ZNF207: variants seen among roughly 807,000 people sequenced by gnomAD.
ZNF207 encodes zinc finger protein 207, also known as BUB3-interacting and GLEBS motif-containing protein ZNF207.
In ZNF207, 24 loss-of-function variants were observed where a neutral mutation model predicts 60.2. That is an observed-to-expected ratio of 0.40 (90% CI 0.29 to 0.56). The LOEUF (loss-of-function observed/expected upper bound fraction) is 0.56. Ranked by LOEUF, ZNF207 falls within the 20% of genes least tolerant of loss-of-function variation. The pLI is 0.49. For synonymous variants in ZNF207, 236 were observed against 194.7 expected (o/e 1.21, Z -1.77); for missense variants, 452 against 636.6 (o/e 0.71, Z 3.12).
At chr17:32,364,096 G>A (rs564490478) in intron 7 of ZNF207, among the ~76,000 whole-genome samples, 14 of 150,566 alleles carry the variant, frequency 9.3e-5, no homozygotes, top group South Asian at 2.1e-4. Flanking sequence ...GCCGTGGCAC[G>A]ATCATAGCTC....
rs1489582907 is a variant in ZNF207, at chr17:32,381,526, A to G, written c.*11767A>G. The G allele has an allele frequency of 6.6e-6, 1 of 152,242 alleles. No homozygotes were observed. The highest frequency in any genetic ancestry group is 1.5e-5 in the Non-Finnish European group (1 of 68,036). The allele number at this position is 152,242 out of a possible 1,614,324, so 9.4% of individuals were successfully genotyped here. ...ATGAAATGGAAGACTACATTTGTAT[A>G]TATATCTGTATAATTTTTGTTTACT... On this transcript the variant is annotated 3_prime_UTR_variant, in exon 12 of 12. Transcript: ENST00000394670.
intron 5 of ZNF207, 80 bp downstream of exon 5, chr17:32,361,047 T>C: frequency 6.9e-7 from 1 of 1,459,742 alleles, no homozygotes; most frequent in Non-Finnish European, 9.4e-7. Context: ...ATGAATGAAA[T>C]GTTACTTTCC....
At chr17:32,364,983 C>T (rs1031150280) in intron 7 of ZNF207, among the ~76,000 whole-genome samples, 2 of 152,162 alleles carry the variant, frequency 1.3e-5, no homozygotes, top group African/African-American at 4.8e-5. Flanking sequence ...CTGTAATTTG[C>T]ACTAGGGTTC....
Position 32,361,533 on chromosome 17 carries a change from A to G in ZNF207, c.599+18A>G. On this transcript the variant is annotated intron_variant, in intron 6 of 11. Coordinates refer to ENST00000394670, the MANE Select transcript of ZNF207 (RefSeq NM_001098507.2). ...GAAAACATGTAAGCATCTCATTCAT[A>G]ATGTAATTCAGGAGGTATAATCATA... is the stretch of plus-strand genomic sequence containing the variant. 1 of 1,602,228 alleles carries G rather than the reference A, an allele frequency of 6.2e-7. No individual in the cohort carries two copies. The highest frequency in any genetic ancestry group is 8.5e-7 in the Non-Finnish European group (1 of 1,173,104).
At position 32,358,530 on chromosome 17, in the gene ZNF207, C is replaced by T; in HGVS notation, c.196C>T (p.Pro66Ser). The T allele has an allele frequency of 6.4e-7, 1 of 1,563,992 alleles. No individual in the cohort carries two copies. Among genetic ancestry groups the T allele is most frequent in the Non-Finnish European group, 8.6e-7 (1 of 1,163,110 alleles). The change falls in exon 3 of 12, where the codon CCA (proline) becomes TCA (serine). Residue 66 changes from proline (P) to serine (S), a missense_variant. By Grantham distance (74) the Pro-to-Ser change is moderately conservative (BLOSUM62 -1). Around this residue, in one of 2 missense-constraint regions of ZNF207, gnomAD observed 62 missense variants for 175.3 expected, o/e 0.35. Coordinates refer to ENST00000394670, the MANE Select transcript of ZNF207 (RefSeq NM_001098507.2). Reference sequence around the variant, plus strand: ...ACATAAAGAAACAATAGATGCCGTACCAAATGCAATACCTGGAAGAACAGA... The same window carrying T: ...ACATAAAGAAACAATAGATGCCGTATCAAATGCAATACCTGGAAGAACAGA... ...QVHKETIDAV[P>S]NAIPGRTDIE...
chr17:32,381,211 C>G lies in ZNF207; in HGVS notation c.*11452C>G, dbSNP rs1026733592. 1.3e-5 allele frequency: 2 copies of G among 152,174 alleles called. No homozygotes were observed. Among genetic ancestry groups the G allele is most frequent in the African/African-American group, 4.8e-5 (2 of 41,448 alleles). 9.4% of individuals were successfully genotyped at this position (152,174 alleles called of 1,614,324 possible). On this transcript the variant is annotated 3_prime_UTR_variant, in exon 12 of 12. Transcript: ENST00000394670. ...AAAGGGACCTGTCTGTCAGGTCAATCTTCGGTCTTCACTTTTACTGGCAAG... is the reference window on the plus strand; with the variant it reads ...AAAGGGACCTGTCTGTCAGGTCAATGTTCGGTCTTCACTTTTACTGGCAAG...
chr17:32,362,902 G>A lies in ZNF207; in HGVS notation c.600-12G>A. 4 of 1,612,020 alleles carry A rather than the reference G, an allele frequency of 2.5e-6. No individual in the cohort carries two copies. The highest frequency in any genetic ancestry group is 2.5e-6 in the Non-Finnish European group (3 of 1,179,320). ...ATTAACTTACTGTTTCTTGAAATTT[G>A]CTTTCTAATAGAATGATGCCAATGG... is the stretch of plus-strand genomic sequence containing the variant. On this transcript the variant is annotated splice_polypyrimidine_tract_variant and intron_variant, in intron 6 of 11. Coordinates refer to ENST00000394670, the MANE Select transcript of ZNF207 (RefSeq NM_001098507.2).
At chr17:32,351,389 C>A in intron 1 of ZNF207, 1 of 1,132,396 alleles carries the variant, frequency 8.8e-7, no homozygotes, top group South Asian at 1.8e-5. Context: ...TTATTGCTAT[C>A]GTCTTCATAT....
chr17:32,360,667 C>A lies in ZNF207; in HGVS notation c.377C>A (p.Ser126Ter). 1 of 1,614,072 alleles carries A rather than the reference C, an allele frequency of 6.2e-7. No individual in the cohort carries two copies. The highest frequency in any genetic ancestry group is 8.5e-7 in the Non-Finnish European group (1 of 1,180,020). Residue 126 changes from serine to a stop codon, truncating the protein, a stop_gained, in exon 4 of 12, where the codon TCA becomes TAA. Coordinates refer to ENST00000394670, the MANE Select transcript of ZNF207 (RefSeq NM_001098507.2). LOFTEE classifies it high-confidence loss of function. ...YDDDDSAAST[S>*]FQPQPVQPQQ... ...GATGACGACTCTGCAGCCTCAACTT[C>A]ATTTCAGCCACAGCCTGTTCAACCT...
At chr17:32,351,989 T>C in intron 2 of ZNF207, 77 bp downstream of exon 2, 1 of 1,424,892 alleles carries the variant, frequency 7.0e-7, no homozygotes, top group Non-Finnish European at 9.3e-7. Context: ...TTTTATTTTT[T>C]TGAGTTTCGG....
chr17:32,361,920 A>T (rs912969116), intron 6 of ZNF207, among the ~76,000 whole-genome samples: 3 of 152,188 alleles, frequency 2.0e-5, no homozygotes, highest in Admixed American at 6.5e-5. Context: ...ACAAAAATTT[A>T]AAAAATTTGA....
Position 32,369,857 on chromosome 17 carries a change from C to G in ZNF207, c.*98C>G. On this transcript the variant is annotated 3_prime_UTR_variant, in exon 12 of 12. Coordinates refer to ENST00000394670, the MANE Select transcript of ZNF207 (RefSeq NM_001098507.2). ...TTCCGTCAATAAGGCTTCATTGTGA[C>G]TTTAACAAACATTATCTTCCCACAT... 8.1e-7 allele frequency: 1 copy of G among 1,236,928 alleles called. No individual in the cohort carries two copies. The highest frequency in any genetic ancestry group is 1.0e-6 in the Non-Finnish European group (1 of 952,880). 76.6% of individuals were successfully genotyped at this position (1,236,928 alleles called of 1,614,324 possible).
At chr17:32,367,430 TAG>T (rs1342828866) in intron 9 of ZNF207, among the ~76,000 whole-genome samples, 1 of 151,356 alleles carries the variant, frequency 6.6e-6, no homozygotes, top group Non-Finnish European at 1.5e-5. Context: ...ACATTAAAAA[TAG>T]AACACATGCT....
intron 8 of ZNF207, 114 bp downstream of exon 8, chr17:32,365,601 T>C (rs1017356328): frequency 2.1e-6 from 2 of 938,536 alleles, no homozygotes; most frequent in Non-Finnish European, 2.8e-6. Context: ...ATATTTTTAA[T>C]ATTATTTATT....
At position 32,381,407 on chromosome 17, in the gene ZNF207, G is replaced by C. The variant is rs1489894576; in HGVS notation, c.*11648G>C. On this transcript the variant is annotated 3_prime_UTR_variant, in exon 12 of 12. Coordinates refer to ENST00000394670, the MANE Select transcript of ZNF207 (RefSeq NM_001098507.2). ...GCTCACTAAGGGTAATTAAATACTA[G>C]CTTTTAAAATTTAAAGTTCTCACGA... 6.6e-6 allele frequency: 1 copy of C among 152,176 alleles called. No homozygotes were observed. The highest frequency in any genetic ancestry group is 2.4e-5 in the African/African-American group (1 of 41,450). 9.4% of individuals were successfully genotyped at this position (152,176 alleles called of 1,614,324 possible). A position where few individuals can be genotyped will look rare whatever the true frequency, so the allele number is the denominator to read the frequency against.
chr17:32,381,104 G>A lies in ZNF207; in HGVS notation c.*11345G>A, dbSNP rs546842197. On this transcript the variant is annotated 3_prime_UTR_variant, in exon 12 of 12. Coordinates refer to ENST00000394670, the MANE Select transcript of ZNF207 (RefSeq NM_001098507.2). ...AAAGATTGATTATTTCTGAGGAAAA[G>A]GTCCATTTATTTCCAAACTAGTCTG... 4 of 152,316 alleles carry A rather than the reference G, an allele frequency of 2.6e-5. No homozygotes were observed. In the South Asian group the frequency reaches 8.3e-4, roughly 32 times the overall value. The allele number at this position is 152,316 out of a possible 1,614,324, so 9.4% of individuals were successfully genotyped here.
chr17:32,350,174 T>C lies in ZNF207; in HGVS notation c.-112T>C, dbSNP rs774557910. 3 of 1,535,886 alleles carry C rather than the reference T, an allele frequency of 2.0e-6. No individual in the cohort carries two copies. Among genetic ancestry groups the C allele is most frequent in the Non-Finnish European group, 2.7e-6 (3 of 1,112,664 alleles). On this transcript the variant is annotated 5_prime_UTR_variant, in exon 1 of 12. Coordinates refer to ENST00000394670, the MANE Select transcript of ZNF207 (RefSeq NM_001098507.2). ...ACGAGGCCGTCGGCCATTTTGTGTCTGCTTCCTGTGGGACGTGGTGGTAGC... is the reference window on the plus strand; with the variant it reads ...ACGAGGCCGTCGGCCATTTTGTGTCCGCTTCCTGTGGGACGTGGTGGTAGC...
intron 7 of ZNF207, among the ~76,000 whole-genome samples, 194 bp downstream of exon 7, chr17:32,363,178 C>T (rs1310850105): frequency 7.9e-5 from 12 of 152,200 alleles, no homozygotes; most frequent in Admixed American, 7.9e-4. Flanking sequence ...ACCTCTGCCT[C>T]ACAGGTTCAG....
chr17:32,379,804 A>G lies in ZNF207; in HGVS notation c.*10045A>G, dbSNP rs566782760. ...ACTGATTTCTGAGACCACGTATACC[A>G]GTGAAAATTAGCTTCTGAGTAAATT... is the stretch of plus-strand genomic sequence containing the variant. On this transcript the variant is annotated 3_prime_UTR_variant, in exon 12 of 12. Transcript: ENST00000394670. 2 of 152,342 alleles carry G rather than the reference A, an allele frequency of 1.3e-5. No homozygotes were observed. Among genetic ancestry groups the G allele is most frequent in the East Asian group, 3.9e-4 (2 of 5,190 alleles). 9.4% of individuals were successfully genotyped at this position (152,342 alleles called of 1,614,324 possible). A position where few individuals can be genotyped will look rare whatever the true frequency, so the allele number is the denominator to read the frequency against.
Sources: allele counts gnomAD v4.1 joint callset (sites outside exome capture counted in the v4.1 genomes callset), GRCh38; gene constraint gnomAD v4.1.1; regional missense constraint gnomAD v4.1.1; transcripts MANE v1.5; gene names NCBI Gene and HGNC (gene_info 2026-07-23, HGNC 2026-07-21).